GRIP2: variants seen among roughly 807,000 people sequenced by gnomAD.
GRIP2 encodes the protein glutamate receptor interacting protein 2.
A neutral mutation model predicts 108.3 loss-of-function variants in GRIP2; 58 were observed. That is an observed-to-expected ratio of 0.54 (90% CI 0.43 to 0.67). GRIP2 has a LOEUF of 0.67. Ranked by LOEUF, GRIP2 falls within the 30% of genes least tolerant of loss-of-function variation. GRIP2 has a pLI of 0.00. For synonymous variants in GRIP2, 586 were observed against 598.2 expected (o/e 0.98, Z 0.30); for missense variants, 1,278 against 1,430.6 (o/e 0.89, Z 1.72).
chr3:14,570,900 T>C, the GRIP2 span, among the ~76,000 whole-genome samples: 1 of 152,206 alleles, frequency 6.6e-6, no homozygotes, highest in Non-Finnish European at 1.5e-5. Context: ...CTGAAACAGA[T>C]GTAACTTTTT....
At chr3:14,529,278 CAAAAAAAAAAAAA>C (rs78828207) in intron 1 of GRIP2, among the ~76,000 whole-genome samples, 1 of 111,090 alleles carries the variant, frequency 9.0e-6, no homozygotes, top group Admixed American at 8.5e-5. Flanking sequence ...GACTCCGTCT[CAAAAAAAAAAAAA>C]AAAAAAAAAA....
chr3:14,538,555 C>G (rs1676558962), intron 1 of GRIP2, among the ~76,000 whole-genome samples: 1 of 152,226 alleles, frequency 6.6e-6, no homozygotes. Flanking sequence ...CTGGATCCCA[C>G]TGTGCCTGAA....
chr3:14,579,573 A>G, the GRIP2 span, among the ~76,000 whole-genome samples: 1 of 151,954 alleles, frequency 6.6e-6, no homozygotes, highest in Non-Finnish European at 1.5e-5. Context: ...TACTGAAAAC[A>G]GCAACCACAG....
chr3:14,574,661 G>A, the GRIP2 span: 2 of 645,964 alleles, frequency 3.1e-6, no homozygotes, highest in Admixed American at 3.9e-5. Context: ...GGAAATTCGT[G>A]TTTTCCGCCA....
rs768655027 is a variant in GRIP2 at position 14,493,716 on chromosome 3, G to A, written c.3081C>T (p.His1027=). Residue 1027 remains histidine, a synonymous_variant, in exon 24 of 24, where the codon CAC becomes CAT. Coordinates refer to ENST00000621039, the MANE Select transcript of GRIP2 (RefSeq NM_001080423.4). ...LIISRKPHTA[H]SSRAPRSPGP... ...CTGGCGATCGGGGGGCCCGGCTGCT[G>A]TGTGCCGTGTGCGGCTTGCGGCTGA... The A allele has an allele frequency of 5.7e-5, 91 of 1,610,492 alleles. No homozygotes were observed. Among genetic ancestry groups the A allele is most frequent in the Non-Finnish European group, 7.5e-5 (88 of 1,178,766 alleles).
Position 14,540,205 on chromosome 3 carries a change from G to A in GRIP2, c.40+64C>T, listed in dbSNP as rs115324217. ...CCATCCAGTCCCCTCTCTCTGGGCA[G>A]CAGCTCCAGAGGGATCTATGTGTTC... On this transcript the variant is annotated intron_variant, in intron 1 of 23. Transcript: ENST00000621039. The surrounding 1 kb of genome is among the most constrained non-coding windows in gnomAD (Gnocchi z 4.1). 1,610 of 1,558,696 alleles carry A rather than the reference G, an allele frequency of 1.0e-3. 16 individuals are homozygous for A. In the African/African-American group the frequency reaches 0.02, roughly 19 times the overall value.
chr3:14,505,553 C>T lies in GRIP2; in HGVS notation c.2573+62G>A, dbSNP rs955762245. On this transcript the variant is annotated intron_variant, in intron 20 of 23. Transcript: ENST00000621039. This position sits in a 1 kb window ranked among gnomAD's most constrained non-coding sequence, Gnocchi z 4.2. ...CCCCCACCACTTTGGCACAGGCACC[C>T]TCGCCCACCCCAGCCAAGACACTGT... The T allele has an allele frequency of 6.5e-7, 1 of 1,545,542 alleles. No individual in the cohort carries two copies. Among genetic ancestry groups the T allele is most frequent in the Admixed American group, 1.9e-5 (1 of 51,864 alleles).
the GRIP2 span, among the ~76,000 whole-genome samples, chr3:14,593,066 CA>C: frequency 5.9e-5 from 9 of 152,212 alleles, no homozygotes; most frequent in African/African-American, 2.2e-4. Context: ...TGTCACCACA[CA>C]CGTGGACACC....
At chr3:14,549,307 G>A (rs4257522) in intron 1 of GRIP2, among the ~76,000 whole-genome samples, 57,971 of 152,062 alleles carry the variant, frequency 0.38, 11,547 homozygotes, top group African/African-American at 0.48. Context: ...CACCACCTCT[G>A]AGCAGCCCAC....
In GRIP2 at chr3:14,522,608, A is replaced by G. The variant is rs1415458888; in HGVS notation, c.566+392T>C. On this transcript the variant is annotated intron_variant, in intron 6 of 23. Transcript: ENST00000621039. The surrounding 1 kb of genome is among the most constrained non-coding windows in gnomAD (Gnocchi z 4.3). ...CAGGCGGGGCCGAGCTGGGTCGATC[A>G]GCCAGGACCCAGGAGACTGAGTCAC... The G allele has an allele frequency of 1.1e-5, 2 of 183,152 alleles. No individual in the cohort carries two copies. The highest frequency in any genetic ancestry group is 2.3e-5 in the Non-Finnish European group (2 of 86,588). The allele number at this position is 183,152 out of a possible 1,614,324, so 11.3% of individuals were successfully genotyped here.
intron 9 of GRIP2, among the ~76,000 whole-genome samples, chr3:14,518,198 G>A (rs890186488): frequency 5.9e-5 from 9 of 152,336 alleles, no homozygotes; most frequent in Admixed American, 2.6e-4. Context: ...CCCTGGAGCC[G>A]GAGAGGTCTA....
intron 21 of GRIP2, among the ~76,000 whole-genome samples, chr3:14,501,698 T>C (rs930348985): frequency 6.6e-6 from 1 of 152,224 alleles, no homozygotes; most frequent in Admixed American, 6.5e-5. Context: ...GAATGTTGTG[T>C]CCTTAAGTTT....
the GRIP2 span, among the ~76,000 whole-genome samples, chr3:14,591,777 G>A: frequency 6.6e-6 from 1 of 152,166 alleles, no homozygotes; most frequent in African/African-American, 2.4e-5. Context: ...GGACCTTCTG[G>A]GAGTACACGC....
upstream of GRIP2, among the ~76,000 whole-genome samples, chr3:14,557,426 T>A (rs1695255849): frequency 6.6e-6 from 1 of 152,148 alleles, no homozygotes. Flanking sequence ...CCACAGTACA[T>A]GGATTCCAGC....
the GRIP2 span, among the ~76,000 whole-genome samples, chr3:14,568,924 T>A: frequency 6.6e-6 from 1 of 152,150 alleles, no homozygotes; most frequent in South Asian, 2.1e-4. Flanking sequence ...CTCCAGAGCA[T>A]CACTTACCCT....
chr3:14,560,529 T>A (rs1021593510), upstream of GRIP2, among the ~76,000 whole-genome samples: 1 of 152,128 alleles, frequency 6.6e-6, no homozygotes, highest in Admixed American at 6.6e-5. Flanking sequence ...GATGGGCACA[T>A]GACCCAAGTC....
intron 1 of GRIP2, chr3:14,530,895 A>G (rs369208789): frequency 2.1e-4 from 32 of 152,346 alleles, no homozygotes; most frequent in African/African-American, 6.3e-4. Context: ...GTTATTTTTA[A>G]ATGTACAATT....
At chr3:14,500,375 T>C (rs894034253) in intron 21 of GRIP2, among the ~76,000 whole-genome samples, 5 of 151,400 alleles carry the variant, frequency 3.3e-5, no homozygotes, top group African/African-American at 1.2e-4. Flanking sequence ...CAAACACGAG[T>C]CCTCGGACTG....
chr3:14,495,940 G>T (rs1361308410), intron 22 of GRIP2, among the ~76,000 whole-genome samples: 1 of 152,138 alleles, frequency 6.6e-6, no homozygotes. Context: ...GAACCCAGGA[G>T]TTTGAGACCA....
Sources: allele counts gnomAD v4.1 joint callset (sites outside exome capture counted in the v4.1 genomes callset), GRCh38; gene constraint gnomAD v4.1.1; non-coding constraint Gnocchi (gnomAD v3.1); transcripts MANE v1.5; gene names NCBI Gene and HGNC (gene_info 2026-07-23, HGNC 2026-07-21).